The following VPS13D variants were observed in gnomAD, a reference collection of about 807,000 sequenced individuals.
VPS13D encodes the protein vacuolar protein sorting 13 homolog D, also known as intermembrane lipid transfer protein VPS13D.
A neutral mutation model predicts 461.9 loss-of-function variants in VPS13D; 187 were observed. The observed-to-expected ratio is 0.40, with a 90% CI of 0.36 to 0.46. The LOEUF (loss-of-function observed/expected upper bound fraction) is 0.46. Among genes scored for constraint, VPS13D ranks in the 20% least tolerant of loss-of-function variants. VPS13D has a pLI of 0.60. For synonymous variants in VPS13D, 1,951 were observed against 1,986.3 expected, an observed-to-expected ratio of 0.98 and a Z score of 0.47; for missense variants, 4,711 against 5,364.9, an observed-to-expected ratio of 0.88 and a Z score of 3.81.
In VPS13D at chr1:12,356,436, G is replaced by T. The variant is rs199778479; in HGVS notation, c.9910G>T (p.Asp3304Tyr). 1.2e-6 allele frequency: 2 copies of T among 1,614,090 alleles called. No homozygotes were observed. The highest frequency in any genetic ancestry group is 1.7e-6 in the Non-Finnish European group (2 of 1,180,006). ...CTTCAGACAGGACAATGCCAAGACAGATGCTGCAGGCCAGTTTGAGGAGCA... is the reference window on the plus strand; with the variant it reads ...CTTCAGACAGGACAATGCCAAGACATATGCTGCAGGCCAGTTTGAGGAGCA... ...LIFRQDNAKT[D>Y]AAGQFEEHEL... The change falls in exon 49 of 70, where the codon GAT becomes TAT. Residue 3304 changes from aspartate (D) to tyrosine (Y), a missense_variant. By Grantham distance (160) the Asp-to-Tyr change is radical (BLOSUM62 -3). Coordinates refer to ENST00000620676, the MANE Select transcript of VPS13D (RefSeq NM_015378.4).
At chr1:12,342,732 A>G in intron 41 of VPS13D, 167 bp from the exon 42 acceptor site, 2 of 621,682 alleles carry the variant, frequency 3.2e-6, no homozygotes, top group Non-Finnish European at 5.0e-6. Context: ...CAGCACGAAG[A>G]TAGCTATAGT....
chr1:12,389,885 G>A (rs911507456), intron 60 of VPS13D, among the ~76,000 whole-genome samples: 2 of 152,190 alleles, frequency 1.3e-5, no homozygotes, highest in African/African-American at 4.8e-5. Flanking sequence ...ATGCCCTAAT[G>A]GATCTCCTGT....
intron 24 of VPS13D, among the ~76,000 whole-genome samples, chr1:12,295,222 C>CAAAAAAAAAAAAAAAAAAAAAAAAAA: frequency 1.4e-5 from 1 of 72,980 alleles, no homozygotes; most frequent in Non-Finnish European, 3.4e-5. Flanking sequence ...CACCATGACT[C>CAAAAAAAAAAAAAAAAAAAAAAAAAA]AAAAAAAAAA....
intron 60 of VPS13D, among the ~76,000 whole-genome samples, chr1:12,399,198 ATT>A (rs887369242): frequency 9.2e-5 from 13 of 141,406 alleles, no homozygotes; most frequent in Non-Finnish European, 9.3e-5. Context: ...CAAATAGTTG[ATT>A]TTTTTTTTTT....
intron 13 of VPS13D, among the ~76,000 whole-genome samples, chr1:12,263,021 A>G (rs554778977): frequency 2.0e-5 from 3 of 152,040 alleles, no homozygotes; most frequent in Non-Finnish European, 2.9e-5. Flanking sequence ...GATATTTTCA[A>G]CTTATGGTGG....
intron 54 of VPS13D, among the ~76,000 whole-genome samples, chr1:12,372,163 C>T (rs113616913): frequency 0.023 from 3,431 of 152,276 alleles, 53 homozygotes; most frequent in Non-Finnish European, 0.036. Context: ...AAACGGTCCT[C>T]CTGCTTCAGC....
At chr1:12,421,191 G>A (rs1644858745) in intron 65 of VPS13D, among the ~76,000 whole-genome samples, 1 of 152,144 alleles carries the variant, frequency 6.6e-6, no homozygotes, top group Non-Finnish European at 1.5e-5. Context: ...TTAAGTCTTA[G>A]CCACCAAATT....
At chr1:12,409,855 G>A (rs1377514022) in intron 63 of VPS13D, 1 of 456,228 alleles carries the variant, frequency 2.2e-6, no homozygotes, top group Non-Finnish European at 4.4e-6. Context: ...AGCCAGGACT[G>A]GAGAGTTCAA....
At chr1:12,468,636 T>G (rs904673430) in intron 67 of VPS13D, among the ~76,000 whole-genome samples, 14 of 152,238 alleles carry the variant, frequency 9.2e-5, no homozygotes, top group Non-Finnish European at 1.9e-4. Context: ...TGGTACTCTT[T>G]TGCCAGTCTC....
At chr1:12,375,471 CA>C (rs1425906490) in intron 55 of VPS13D, among the ~76,000 whole-genome samples, 2 of 152,328 alleles carry the variant, frequency 1.3e-5, no homozygotes, top group East Asian at 3.9e-4. Flanking sequence ...TCCAGTATGA[CA>C]AAGTTCATTC....
At chr1:12,430,498 T>A (rs1201527811) in intron 65 of VPS13D, among the ~76,000 whole-genome samples, 1 of 152,196 alleles carries the variant, frequency 6.6e-6, no homozygotes, top group African/African-American at 2.4e-5. Flanking sequence ...CCTTGCAACA[T>A]CCCAGTGGGG....
intron 26 of VPS13D, among the ~76,000 whole-genome samples, chr1:12,306,077 G>A (rs941592057): frequency 1.3e-5 from 2 of 151,832 alleles, no homozygotes; most frequent in Admixed American, 6.6e-5. Flanking sequence ...TCCGCCTCCC[G>A]GGTTCACGCC....
intron 30 of VPS13D, among the ~76,000 whole-genome samples, chr1:12,317,775 C>T (rs1350692812): frequency 6.6e-6 from 1 of 152,024 alleles, no homozygotes; most frequent in Non-Finnish European, 1.5e-5. Context: ...ATAATGTCTT[C>T]AGGGGAGCAA....
rs1197029575 is a variant in VPS13D, at chr1:12,318,142, C to A, written c.7219C>A (p.Leu2407Ile). The A allele has an allele frequency of 6.2e-7, 1 of 1,614,068 alleles. No homozygotes were observed. The highest frequency in any genetic ancestry group is 8.5e-7 in the Non-Finnish European group (1 of 1,179,946). ...CCGTGTGTTTCTCATATTTGACTGG[C>A]TACTGTTAGTCCATGATTTTCTCCA... Reference protein sequence around the residue: ...NLRVFLIFDWLLLVHDFLHTP... With the variant: ...NLRVFLIFDWILLVHDFLHTP... The change falls in exon 31 of 70, where the codon CTA becomes ATA. Residue 2407 changes from leucine to isoleucine, a missense_variant. By Grantham distance (5) the Leu-to-Ile change is conservative. Transcript: ENST00000620676.
chr1:12,276,688 A>G lies in VPS13D; in HGVS notation c.3100A>G (p.Ser1034Gly), dbSNP rs761453692. The part of the protein sequence containing the change: ...KNLSFDIPTG[S>G]LRDSRAQSPV... ...CTTGAGCTTTGATATTCCAACGGGA[A>G]GCCTTCGGGATAGCAGGGCCCAGTC... is the stretch of plus-strand genomic sequence containing the variant. Residue 1034 changes from serine to glycine, a missense_variant, in exon 19 of 70, where the codon AGC (serine) becomes GGC (glycine). By Grantham distance (56) the Ser-to-Gly change is moderately conservative. Coordinates refer to ENST00000620676, the MANE Select transcript of VPS13D (RefSeq NM_015378.4). The surrounding 1 kb of genome is among the most constrained non-coding windows in gnomAD (Gnocchi z 4.5). The G allele has an allele frequency of 1.2e-6, 2 of 1,614,164 alleles. No individual in the cohort carries two copies. The highest frequency in any genetic ancestry group is 1.7e-6 in the Non-Finnish European group (2 of 1,180,032).
At chr1:12,474,449 C>T (rs1006498071) in intron 67 of VPS13D, among the ~76,000 whole-genome samples, 1 of 151,758 alleles carries the variant, frequency 6.6e-6, no homozygotes, top group African/African-American at 2.4e-5. Flanking sequence ...AGGACAATCT[C>T]ACAACAATAT....
rs1389610998 is a variant in VPS13D, at chr1:12,481,416, T to TTA, written c.12663-16076_12663-16075dup. On this transcript the variant is annotated intron_variant, in intron 67 of 69. Transcript: ENST00000620676. ...GGCTTCCACCAAGTTCTAACACATT[T>TTA]TATATATATCGATTTCCAGGCTTGT... 7.2e-5 allele frequency among the ~76,000 whole-genome samples: 11 copies of TTA among 152,332 alleles called. 1 individual carries two copies. Among genetic ancestry groups the TTA allele is most frequent in the African/African-American group, 1.9e-4 (8 of 41,580 alleles).
intron 67 of VPS13D, among the ~76,000 whole-genome samples, chr1:12,483,183 A>G (rs1645747627): frequency 1.3e-5 from 2 of 152,234 alleles, no homozygotes; most frequent in Admixed American, 1.3e-4. Flanking sequence ...TGACTCCTCC[A>G]GCCGTGTACC....
intron 52 of VPS13D, among the ~76,000 whole-genome samples, chr1:12,364,272 T>C (rs1643997507): frequency 6.6e-6 from 1 of 152,172 alleles, no homozygotes; most frequent in African/African-American, 2.4e-5. Context: ...GTCTATAAAT[T>C]TGACTACTCT....
Sources: allele counts gnomAD v4.1 joint callset (sites outside exome capture counted in the v4.1 genomes callset), GRCh38; gene constraint gnomAD v4.1.1; non-coding constraint Gnocchi (gnomAD v3.1); transcripts MANE v1.5; gene names NCBI Gene and HGNC (gene_info 2026-07-23, HGNC 2026-07-21).